Variants in SVIL observed in about 807,000 individuals in gnomAD.
The protein encoded by SVIL is supervillin.
Under a neutral mutation model 240.4 loss-of-function variants are expected in SVIL, and 101 were observed. The ratio of observed to expected loss-of-function variants is 0.42; its 90% CI spans 0.36 to 0.50. The LOEUF is 0.50. Ranked by LOEUF, SVIL falls within the 20% of genes least tolerant of loss-of-function variation. SVIL has a pLI of 0.01. For missense variants in SVIL, 2,512 were observed against 2,818.7 expected (o/e 0.89, Z 2.46); for synonymous variants, 999 against 1,100.0 (o/e 0.91, Z 1.82).
rs138579896 is a variant in SVIL, at chr10:29,493,635, G to A, written c.3842-244C>T. ...GAGGCTGACCATACTGCACACACGC[G>A]CCCACTGAACGCTTCTGAACCTGCC... On this transcript the variant is annotated intron_variant, in intron 20 of 37. Coordinates refer to ENST00000355867, the MANE Select transcript of SVIL (RefSeq NM_021738.3). Among the ~76,000 whole-genome samples, 487 of 152,090 alleles carry A rather than the reference G, an allele frequency of 3.2e-3. 3 individuals carry two copies. The highest frequency in any genetic ancestry group is 0.011 in the African/African-American group (449 of 41,494).
At chr10:29,528,185 T>G in intron 12 of SVIL, among the ~76,000 whole-genome samples, 1 of 152,190 alleles carries the variant, frequency 6.6e-6, no homozygotes, top group South Asian at 2.1e-4. Context: ...TTCAAATATT[T>G]CTTTTTTTAA....
intron 1 of SVIL, among the ~76,000 whole-genome samples, chr10:29,729,665 C>T (rs1449099577): frequency 2.8e-5 from 2 of 70,790 alleles, no homozygotes; most frequent in Admixed American, 1.2e-4. Context: ...GAAACCCCAT[C>T]TCTACTAAAA....
intron 6 of SVIL, among the ~76,000 whole-genome samples, chr10:29,536,890 G>A (rs984366504): frequency 4.4e-5 from 5 of 114,820 alleles, no homozygotes; most frequent in African/African-American, 7.2e-5. Flanking sequence ...CAGCCCGGGC[G>A]ATAACAGCAC....
Position 29,532,945 on chromosome 10 carries a change from A to C in SVIL, c.1422T>G (p.Asn474Lys), listed in dbSNP as rs757124015. 3.1e-6 allele frequency: 5 copies of C among 1,614,058 alleles called. No individual in the cohort carries two copies. Among genetic ancestry groups the C allele is most frequent in the Non-Finnish European group, 4.2e-6 (5 of 1,180,014 alleles). ...LVRSPEDPSRNEDFGKPAVST... is the reference protein window; with the variant it reads ...LVRSPEDPSRKEDFGKPAVST... ...TCACAGCAGGCTTACCAAAGTCCTC[A>C]TTTCTAGAGGGATCTTCTGGGCTTC... is the stretch of plus-strand genomic sequence containing the variant. The change falls in exon 8 of 38, where the codon AAT (asparagine) becomes AAG (lysine). Residue 474 changes from asparagine (N) to lysine (K), a missense_variant. Coordinates refer to ENST00000355867, the MANE Select transcript of SVIL (RefSeq NM_021738.3).
chr10:29,645,218 T>C (rs1019044386), intron 3 of SVIL, among the ~76,000 whole-genome samples: 16 of 152,214 alleles, frequency 1.1e-4, no homozygotes, highest in African/African-American at 3.6e-4. Flanking sequence ...TCTACAATTC[T>C]GAGGCATAGC....
At chr10:29,622,249 C>CAAAAA (rs71020801) in intron 1 of SVIL, among the ~76,000 whole-genome samples, 5 of 51,614 alleles carry the variant, frequency 9.7e-5, no homozygotes, top group Admixed American at 2.8e-4. Context: ...GACTCCGTCT[C>CAAAAA]AAAAAAAAAA....
At chr10:29,707,076 A>T (rs2132657935) in intron 1 of SVIL, among the ~76,000 whole-genome samples, 1 of 151,792 alleles carries the variant, frequency 6.6e-6, no homozygotes, top group East Asian at 1.9e-4. Context: ...GTAGGTGATG[A>T]CTCCAGCTTT....
At chr10:29,492,348 C>T (rs35228383) in intron 21 of SVIL, among the ~76,000 whole-genome samples, 13,204 of 151,904 alleles carry the variant, frequency 0.087, 599 homozygotes, top group Admixed American at 0.12. Flanking sequence ...AGCCTTGTGA[C>T]TCCAGAGCTG....
chr10:29,535,210 A>T (rs1951657004), intron 7 of SVIL, among the ~76,000 whole-genome samples: 1 of 152,094 alleles, frequency 6.6e-6, no homozygotes, highest in South Asian at 2.1e-4. Flanking sequence ...ACTATGAACA[A>T]CTCAGGGAAA....
In SVIL at chr10:29,493,419, G is replaced by A. The variant is rs763993548; in HGVS notation, c.3842-28C>T. ...ATCAACAAACAAGCAAAAGACATAAGAGTTTTATAAAAACAAGGACTCCAA... is the reference window on the plus strand; with the variant it reads ...ATCAACAAACAAGCAAAAGACATAAAAGTTTTATAAAAACAAGGACTCCAA... On this transcript the variant is annotated intron_variant, in intron 20 of 37. Transcript: ENST00000355867. The A allele has an allele frequency of 4.3e-6, 7 of 1,610,974 alleles. 1 individual carries two copies. In the Admixed American group the frequency reaches 8.4e-5, roughly 19 times the overall value.
At chr10:29,729,244 G>A (rs959069252) in intron 1 of SVIL, among the ~76,000 whole-genome samples, 2 of 152,156 alleles carry the variant, frequency 1.3e-5, no homozygotes, top group Non-Finnish European at 2.9e-5. Flanking sequence ...TTTTCCAACA[G>A]TACCCCTGTG....
intron 17 of SVIL, among the ~76,000 whole-genome samples, chr10:29,511,347 A>T (rs1376987416): frequency 7.3e-6 from 1 of 137,376 alleles, no homozygotes; most frequent in Non-Finnish European, 1.6e-5. Flanking sequence ...GGCTTCATTT[A>T]AATTTCCACT....
intron 2 of SVIL, among the ~76,000 whole-genome samples, chr10:29,661,393 C>T (rs944930222): frequency 3.3e-5 from 5 of 151,956 alleles, no homozygotes; most frequent in African/African-American, 9.7e-5. Context: ...GGTTGAAGTT[C>T]GAGAAACGAG....
intron 2 of SVIL, among the ~76,000 whole-genome samples, chr10:29,662,250 C>G (rs912301994): frequency 1.3e-5 from 2 of 152,156 alleles, no homozygotes; most frequent in Admixed American, 1.3e-4. Flanking sequence ...AGCCTGGATG[C>G]CCCCAGTTTC....
chr10:29,512,191 A>G (rs1949886401), intron 17 of SVIL, among the ~76,000 whole-genome samples: 1 of 152,252 alleles, frequency 6.6e-6, no homozygotes, highest in South Asian at 2.1e-4. Context: ...AGTATTGATC[A>G]CCATGCATTA....
chr10:29,530,432 T>C (rs1279868148), intron 11 of SVIL, among the ~76,000 whole-genome samples, 175 bp downstream of exon 11: 1 of 152,124 alleles, frequency 6.6e-6, no homozygotes, highest in Non-Finnish European at 1.5e-5. Context: ...GTCCACAAGA[T>C]TCCCCCTCCC....
At chr10:29,729,098 T>C (rs568146694) in intron 1 of SVIL, among the ~76,000 whole-genome samples, 27 of 152,160 alleles carry the variant, frequency 1.8e-4, no homozygotes, top group Admixed American at 3.9e-4. Context: ...AGAGAAGTCC[T>C]GAGCAAAGGA....
chr10:29,530,454 A>G lies in SVIL; in HGVS notation c.2106+153T>C, dbSNP rs184437206. ...AGATTCCCCCTCCCTAAGGCTTACAATTTTTATTTTTTTTGAGATGGGGGT... is the reference window on the plus strand; with the variant it reads ...AGATTCCCCCTCCCTAAGGCTTACAGTTTTTATTTTTTTTGAGATGGGGGT... On this transcript the variant is annotated intron_variant, in intron 11 of 37. Transcript: ENST00000355867. 1.0e-3 allele frequency among the ~76,000 whole-genome samples: 158 copies of G among 152,170 alleles called. 1 individual carries two copies. The highest frequency in any genetic ancestry group is 3.5e-3 in the South Asian group (17 of 4,818).
At chr10:29,611,379 C>T (rs1957237016) in intron 1 of SVIL, among the ~76,000 whole-genome samples, 1 of 151,808 alleles carries the variant, frequency 6.6e-6, no homozygotes, top group East Asian at 1.9e-4. Context: ...TCTAGCCTGT[C>T]TAGAATAGGG....
Sources: allele counts gnomAD v4.1 joint callset (sites outside exome capture counted in the v4.1 genomes callset), GRCh38; gene constraint gnomAD v4.1.1; transcripts MANE v1.5; gene names NCBI Gene and HGNC (gene_info 2026-07-23, HGNC 2026-07-21).